LNPK: variants seen among roughly 807,000 people sequenced by gnomAD.
LNPK encodes endoplasmic reticulum junction formation protein lunapark.
In LNPK, 29 loss-of-function variants were observed where a neutral mutation model predicts 55.2. That is an observed-to-expected ratio of 0.53 (90% CI 0.39 to 0.72). The LOEUF is 0.72. Among genes scored for constraint, LNPK ranks in the 30% least tolerant of loss-of-function variants. The probability of loss-of-function intolerance (pLI) is 0.00; values close to 1 mark genes in which losing one functional copy is unlikely to be tolerated. For missense variants in LNPK, 467 were observed against 494.8 expected, an observed-to-expected ratio of 0.94 and a Z score of 0.53; for synonymous variants, 162 against 168.2, an observed-to-expected ratio of 0.96 and a Z score of 0.29.
intron 9 of LNPK, among the ~76,000 whole-genome samples, chr2:175,944,554 G>A (rs1247763289): frequency 6.6e-6 from 1 of 152,132 alleles, no homozygotes; most frequent in Non-Finnish European, 1.5e-5. Flanking sequence ...AAAATAAAAT[G>A]TGATGTTTGC....
chr2:175,939,708 AAATTT>A, intron 9 of LNPK, 51 bp from the exon 10 acceptor site: 2 of 919,308 alleles, frequency 2.2e-6, no homozygotes, highest in Non-Finnish European at 3.3e-6. Flanking sequence ...AATACACATA[AAATTT>A]AATTCCATTA....
chr2:175,981,672 G>A (rs1014900553), intron 4 of LNPK, among the ~76,000 whole-genome samples: 6 of 152,152 alleles, frequency 3.9e-5, no homozygotes, highest in Admixed American at 1.3e-4. Flanking sequence ...AATGCCTACC[G>A]AGCAGTGAGC....
rs1684156457 is a variant in LNPK at position 175,929,378 on chromosome 2, C to T, written c.*589G>A. 3.0e-6 allele frequency: 3 copies of T among 985,604 alleles called. No individual in the cohort carries two copies. Among genetic ancestry groups the T allele is most frequent in the Non-Finnish European group, 3.6e-6 (3 of 829,754 alleles). 61.1% of individuals were successfully genotyped at this position (985,604 alleles called of 1,614,324 possible). On this transcript the variant is annotated 3_prime_UTR_variant, in exon 13 of 13. Coordinates refer to ENST00000272748, the MANE Select transcript of LNPK (RefSeq NM_030650.3). The stretch of plus-strand genomic sequence containing the variant: ...TTGCATTCTCACTGAGAATTCGTAC[C>T]AGTGCCAACGTAGTTACAGTTCTAC...
chr2:175,958,363 C>G (rs908967214), intron 8 of LNPK, among the ~76,000 whole-genome samples: 1 of 152,206 alleles, frequency 6.6e-6, no homozygotes, highest in Non-Finnish European at 1.5e-5. Flanking sequence ...GAAGCGTCCA[C>G]AGGAAGGATC....
intron 1 of LNPK, among the ~76,000 whole-genome samples, chr2:175,996,680 T>C (rs1290267787): frequency 1.3e-5 from 2 of 152,158 alleles, no homozygotes; most frequent in Non-Finnish European, 2.9e-5. Context: ...AACACTTCTG[T>C]TCAATGCCCA....
chr2:175,970,843 G>T, intron 5 of LNPK, 39 bp from the exon 6 acceptor site: 1 of 1,375,204 alleles, frequency 7.3e-7, no homozygotes, highest in South Asian at 1.5e-5. Context: ...AAGATATTTA[G>T]ATATAAGAAA....
At chr2:175,933,733 T>TTTTG (rs1684396887) in intron 12 of LNPK, among the ~76,000 whole-genome samples, 1 of 145,886 alleles carries the variant, frequency 6.9e-6, no homozygotes, top group South Asian at 2.3e-4. Flanking sequence ...AGTTAAGGGT[T>TTTTG]TTTTTTTTTT....
chr2:176,001,935 G>A (rs1307524431), intron 1 of LNPK, among the ~76,000 whole-genome samples: 1 of 152,204 alleles, frequency 6.6e-6, no homozygotes, highest in African/African-American at 2.4e-5. Context: ...CGCCACCACT[G>A]CCAGTGTGCT....
chr2:175,994,936 T>G (rs1446844043), intron 2 of LNPK, among the ~76,000 whole-genome samples: 2 of 117,472 alleles, frequency 1.7e-5, no homozygotes, highest in African/African-American at 6.2e-5. Context: ...TTTTTTTTTT[T>G]TGTGAGACTG....
chr2:175,956,435 C>G (rs908302598), intron 8 of LNPK, among the ~76,000 whole-genome samples: 3 of 152,118 alleles, frequency 2.0e-5, no homozygotes, highest in Non-Finnish European at 4.4e-5. Context: ...ATCCTGTTCT[C>G]CAACCACTAA....
At chr2:175,961,296 A>G (rs1686016923) in intron 8 of LNPK, among the ~76,000 whole-genome samples, 1 of 152,230 alleles carries the variant, frequency 6.6e-6, no homozygotes, top group African/African-American at 2.4e-5. Flanking sequence ...CGATGCGAAA[A>G]TCCTGAATAA....
rs1285817526 is a variant in LNPK at position 175,929,088 on chromosome 2, T to G, written c.*879A>C. ...CCAAGTCACCCACCAAGATACTGTT[T>G]GAAGAAGACTAGATATTTAGCAAAA... On this transcript the variant is annotated 3_prime_UTR_variant, in exon 13 of 13. Transcript: ENST00000272748. 2 of 984,658 alleles carry G rather than the reference T, an allele frequency of 2.0e-6. No individual in the cohort carries two copies. The highest frequency in any genetic ancestry group is 2.4e-6 in the Non-Finnish European group (2 of 828,992). 61.0% of individuals were successfully genotyped at this position (984,658 alleles called of 1,614,324 possible). A position where few individuals can be genotyped will look rare whatever the true frequency, so the allele number is the denominator to read the frequency against.
intron 1 of LNPK, among the ~76,000 whole-genome samples, chr2:175,997,111 G>C (rs1023942371): frequency 6.6e-6 from 1 of 152,080 alleles, no homozygotes; most frequent in Non-Finnish European, 1.5e-5. Context: ...AGCTATCTTG[G>C]AGTTTCTCAG....
Position 175,947,652 on chromosome 2 carries a change from T to C in LNPK, c.534A>G (p.Pro178=). 1 of 1,613,608 alleles carries C rather than the reference T, an allele frequency of 6.2e-7. No homozygotes were observed. Among genetic ancestry groups the C allele is most frequent in the Non-Finnish European group, 8.5e-7 (1 of 1,179,796 alleles). ...GGCCCTGGTTAGGGCTTGCTGGTGT[T>C]GGAGAAAGGTTTCTTTGAGCTGCAG... ...QRTAAQRNLS[P]TPASPNQGPP... Residue 178 remains proline, a synonymous_variant, in exon 9 of 13, where the codon CCA becomes CCG. Coordinates refer to ENST00000272748, the MANE Select transcript of LNPK (RefSeq NM_030650.3).
At chr2:175,995,768 A>T in intron 1 of LNPK, 122 bp from the exon 2 acceptor site, 1 of 256,424 alleles carries the variant, frequency 3.9e-6, no homozygotes, top group Non-Finnish European at 7.5e-6. Context: ...ACATATATGG[A>T]ATTTGATTTC....
chr2:175,936,869 C>T (rs931832753), intron 12 of LNPK, among the ~76,000 whole-genome samples: 3 of 151,846 alleles, frequency 2.0e-5, no homozygotes, highest in African/African-American at 7.2e-5. Context: ...TACAGTAATC[C>T]AAAAAAATGC....
At chr2:175,977,454 AAAAG>A (rs1686962209) in intron 5 of LNPK, among the ~76,000 whole-genome samples, 1 of 152,244 alleles carries the variant, frequency 6.6e-6, no homozygotes, top group Non-Finnish European at 1.5e-5. Flanking sequence ...TATCAAAAAA[AAAAG>A]AAAGCCAAAG....
intron 9 of LNPK, among the ~76,000 whole-genome samples, chr2:175,941,455 C>T (rs1277481906): frequency 6.6e-6 from 1 of 151,828 alleles, no homozygotes; most frequent in East Asian, 1.9e-4. Context: ...CATTATTTTG[C>T]TCCAAGACAG....
At chr2:175,950,435 T>C (rs1158888262) in intron 8 of LNPK, among the ~76,000 whole-genome samples, 6 of 152,052 alleles carry the variant, frequency 3.9e-5, no homozygotes, top group African/African-American at 1.4e-4. Flanking sequence ...AAAAGATAAA[T>C]GTTTGAGGTG....
Sources: allele counts gnomAD v4.1 joint callset (sites outside exome capture counted in the v4.1 genomes callset), GRCh38; gene constraint gnomAD v4.1.1; transcripts MANE v1.5; gene names NCBI Gene and HGNC (gene_info 2026-07-23, HGNC 2026-07-21).